The following IARS1 variants were observed in gnomAD, a reference collection of about 807,000 sequenced individuals.
IARS1 encodes the protein isoleucyl-tRNA synthetase 1.
IARS1 carries 124 observed loss-of-function variants against 168.2 expected under a neutral mutation model. That is an observed-to-expected ratio of 0.74 (90% CI 0.64 to 0.86). The LOEUF is 0.86. IARS1 is among the 40% of genes least tolerant of loss of function. IARS1 has a pLI of 0.00. For synonymous variants in IARS1, 532 were observed against 529.4 expected (o/e 1.00, Z -0.07); for missense variants, 1,452 against 1,515.8 (o/e 0.96, Z 0.70).
intron 33 of IARS1, among the ~76,000 whole-genome samples, chr9:92,213,641 C>T (rs72750407): frequency 0.031 from 4,654 of 152,300 alleles, 111 homozygotes; most frequent in South Asian, 0.079. Context: ...ATTTCAGTGT[C>T]TGGCCTCCAG....
intron 8 of IARS1, 100 bp downstream of exon 8, chr9:92,278,099 A>G: frequency 1.8e-6 from 2 of 1,087,096 alleles, no homozygotes; most frequent in East Asian, 4.7e-5. Context: ...AAATTTGAAT[A>G]ATGCAAGCTT....
Position 92,258,827 on chromosome 9 carries a change from A to G in IARS1, c.2016+27T>C, listed in dbSNP as rs1221518760. 5.1e-6 allele frequency: 8 copies of G among 1,570,584 alleles called. No individual in the cohort carries two copies. The Admixed American group carries it at 7.8e-5, about 15-fold the overall frequency. ...GGAGCGCTGTGGAGACACGGCAGGT[A>G]CATGTGCAGCCCCCTACAGCCCATA... On this transcript the variant is annotated intron_variant, in intron 19 of 33. Transcript: ENST00000443024.
At chr9:92,223,524 C>A in intron 31 of IARS1, 35 bp from the exon 32 acceptor site, 2 of 1,574,158 alleles carry the variant, frequency 1.3e-6, no homozygotes, top group Non-Finnish European at 1.7e-6. Flanking sequence ...TCAGGGTTAA[C>A]GAACAAATTC....
intron 31 of IARS1, among the ~76,000 whole-genome samples, chr9:92,228,071 C>T (rs770972507): frequency 1.6e-4 from 25 of 152,098 alleles, no homozygotes; most frequent in Admixed American, 8.5e-4. Context: ...AACGAGACTC[C>T]GTCTGCAATC....
At chr9:92,251,321 A>C (rs1829983686) in intron 22 of IARS1, among the ~76,000 whole-genome samples, 1 of 152,252 alleles carries the variant, frequency 6.6e-6, no homozygotes, top group Admixed American at 6.5e-5. Flanking sequence ...AAAGAATTAA[A>C]GTTGGAGCCG....
rs545666509 is a variant in IARS1 at position 92,264,378 on chromosome 9, C to T, written c.1700+551G>A. The stretch of plus-strand genomic sequence containing the variant: ...GTAAATAAAGCCTGGGCCAGCAAAG[C>T]CAATCCATGGAAAGAAAGTAATTCA... On this transcript the variant is annotated intron_variant, in intron 16 of 33. Coordinates refer to ENST00000443024, the MANE Select transcript of IARS1 (RefSeq NM_002161.6). Among the ~76,000 whole-genome samples the T allele has an allele frequency of 7.3e-5, 11 of 151,484 alleles. No homozygotes were observed. The East Asian group carries it at 1.7e-3, about 24-fold the overall frequency.
intron 14 of IARS1, among the ~76,000 whole-genome samples, chr9:92,266,006 G>C (rs971558971): frequency 6.6e-6 from 1 of 152,128 alleles, no homozygotes; most frequent in Non-Finnish European, 1.5e-5. Context: ...CCGAAGGATA[G>C]TATTTGCTAA....
chr9:92,257,681 G>C (rs544300050), intron 19 of IARS1, among the ~76,000 whole-genome samples: 1 of 152,200 alleles, frequency 6.6e-6, no homozygotes, highest in Non-Finnish European at 1.5e-5. Context: ...AGAGCCCAAG[G>C]GGAGCAGAAG....
intron 9 of IARS1, among the ~76,000 whole-genome samples, chr9:92,274,830 G>A (rs915338577): frequency 5.9e-5 from 9 of 152,110 alleles, no homozygotes; most frequent in African/African-American, 2.2e-4. Flanking sequence ...TCCCTATGCA[G>A]TTTAGGATAC....
chr9:92,251,721 T>C, intron 22 of IARS1, 87 bp downstream of exon 22: 5 of 860,652 alleles, frequency 5.8e-6, no homozygotes, highest in Non-Finnish European at 9.7e-6. Context: ...TAATACAGAA[T>C]GGATATAAAT....
At chr9:92,254,356 C>A (rs1253334831) in intron 20 of IARS1, among the ~76,000 whole-genome samples, 1 of 151,958 alleles carries the variant, frequency 6.6e-6, no homozygotes, top group African/African-American at 2.4e-5. Context: ...AAAACAAACA[C>A]AAAAAACAAA....
Position 92,289,335 on chromosome 9 carries a change from G to C in IARS1, c.85C>G (p.Gln29Glu). ...TGTTTTGATTGCTTTAAGCATTCCT[G>C]AAAACAATTAAATTCAGTCCAAAAC... ...LEFWTEFNCFQECLKQSKHKP... is the reference protein window; with the variant it reads ...LEFWTEFNCFEECLKQSKHKP... Residue 29 changes from glutamine (Q) to glutamate (E), a missense_variant, in exon 2 of 34, where the codon CAG becomes GAG. Transcript: ENST00000443024. 2 of 1,570,582 alleles carry C rather than the reference G, an allele frequency of 1.3e-6. No homozygotes were observed. The highest frequency in any genetic ancestry group is 1.7e-6 in the Non-Finnish European group (2 of 1,143,508).
At chr9:92,264,855 C>T in intron 16 of IARS1, 74 bp downstream of exon 16, 1 of 1,272,418 alleles carries the variant, frequency 7.9e-7, no homozygotes, top group African/African-American at 1.5e-5. Context: ...AGATAAATGG[C>T]AGTGACTTAG....
intron 30 of IARS1, among the ~76,000 whole-genome samples, chr9:92,238,934 T>G (rs892690909): frequency 9.2e-5 from 14 of 152,186 alleles, no homozygotes; most frequent in African/African-American, 2.9e-4. Flanking sequence ...TACTATATAA[T>G]AAACCAACTT....
chr9:92,239,847 G>C (rs992165007), intron 30 of IARS1, among the ~76,000 whole-genome samples: 6 of 152,116 alleles, frequency 3.9e-5, no homozygotes, highest in Non-Finnish European at 5.9e-5. Flanking sequence ...TGTGGGTGGT[G>C]GTGGGGCCAT....
rs754623291 is a variant in IARS1 at position 92,223,253 on chromosome 9, T to C, written c.3553+93A>G. 7 of 1,234,266 alleles carry C rather than the reference T, an allele frequency of 5.7e-6. No homozygotes were observed. In the Admixed American group the frequency reaches 1.8e-4, roughly 31 times the overall value. The allele number at this position is 1,234,266 out of a possible 1,614,324, so 76.5% of individuals were successfully genotyped here. On this transcript the variant is annotated intron_variant, in intron 32 of 33. Coordinates refer to ENST00000443024, the MANE Select transcript of IARS1 (RefSeq NM_002161.6). ...GAGCCCACACTTTAAAGCAATACTT[T>C]GAAGCCGACTAGAAATACACACATA...
intron 22 of IARS1, chr9:92,251,123 G>C (rs1445924095): frequency 2.1e-6 from 1 of 486,032 alleles, no homozygotes; most frequent in Non-Finnish European, 4.1e-6. Flanking sequence ...ATGCACAGAA[G>C]ACTGACTGTC....
Position 92,288,064 on chromosome 9 carries a change from T to C in IARS1, c.276+62A>G, listed in dbSNP as rs939072930. On this transcript the variant is annotated intron_variant, in intron 3 of 33. Coordinates refer to ENST00000443024, the MANE Select transcript of IARS1 (RefSeq NM_002161.6). The stretch of plus-strand genomic sequence containing the variant: ...GTTCATCATACTTGAACATATTATA[T>C]GACAAAATCTAATGCTTATAAAAAA... 1.9e-5 allele frequency: 30 copies of C among 1,551,442 alleles called. No homozygotes were observed. In the Middle Eastern group the frequency reaches 6.8e-4, roughly 35 times the overall value.
At chr9:92,265,188 C>T (rs897898209) in intron 15 of IARS1, 65 bp from the exon 16 acceptor site, 16 of 1,364,710 alleles carry the variant, frequency 1.2e-5, no homozygotes, top group Non-Finnish European at 1.5e-5. Context: ...AGTTTAATTG[C>T]TAATAGGAAA....
Sources: allele counts gnomAD v4.1 joint callset (sites outside exome capture counted in the v4.1 genomes callset), GRCh38; gene constraint gnomAD v4.1.1; transcripts MANE v1.5; gene names NCBI Gene and HGNC (gene_info 2026-07-23, HGNC 2026-07-21).